Variants in DGUOK observed in about 807,000 individuals in gnomAD.
DGUOK encodes deoxyguanosine kinase.
A neutral mutation model predicts 36.6 loss-of-function variants in DGUOK; 30 were observed. That is an observed-to-expected ratio of 0.82 (90% CI 0.61 to 1.11). DGUOK has a LOEUF of 1.11. Ranked by LOEUF, DGUOK falls within the 50% of genes most tolerant of loss-of-function variation. The pLI is 0.00. For missense variants in DGUOK, 361 were observed against 336.4 expected (o/e 1.07, Z -0.57); for synonymous variants, 145 against 126.3 (o/e 1.15, Z -0.99).
intron 2 of DGUOK, 90 bp from the exon 3 acceptor site, chr2:73,946,629 T>G (rs1275320687): frequency 1.7e-6 from 2 of 1,168,572 alleles, no homozygotes; most frequent in Non-Finnish European, 1.3e-6. Flanking sequence ...TAAACCTGTT[T>G]GGGGAGGTAG....
intron 4 of DGUOK, among the ~76,000 whole-genome samples, chr2:73,951,856 A>G (rs1390327237): frequency 6.6e-6 from 1 of 152,262 alleles, no homozygotes; most frequent in East Asian, 1.9e-4. Context: ...TTCTACAGAA[A>G]TAAATAAGGG....
At chr2:73,932,216 G>A (rs1039759943) in intron 1 of DGUOK, among the ~76,000 whole-genome samples, 1 of 152,094 alleles carries the variant, frequency 6.6e-6, no homozygotes, top group African/African-American at 2.4e-5. Context: ...TGGAATGGGA[G>A]GACCTAATCT....
At position 73,958,882 on chromosome 2, in the gene DGUOK, G is replaced by GTTAGAC; in HGVS notation, c.*149_*154dup. 1.4e-6 allele frequency: 1 copy of GTTAGAC among 696,764 alleles called. No individual in the cohort carries two copies. Among genetic ancestry groups the GTTAGAC allele is most frequent in the Non-Finnish European group, 2.6e-6 (1 of 388,848 alleles). The allele number at this position is 696,764 out of a possible 1,614,324, so 43.2% of individuals were successfully genotyped here. On this transcript the variant is annotated 3_prime_UTR_variant, in exon 7 of 7. Coordinates refer to ENST00000264093, the MANE Select transcript of DGUOK (RefSeq NM_080916.3). ...CTCAAGAGCTGGTTTGTTAATTATT[G>GTTAGAC]TTAGACTTTGCCATTGTTTTCTTTT...
chr2:73,941,909 CTTT>C (rs11342540), intron 2 of DGUOK, among the ~76,000 whole-genome samples: 2 of 142,548 alleles, frequency 1.4e-5, no homozygotes, highest in Admixed American at 7.0e-5. Context: ...TTGTCATTTT[CTTT>C]TTTTTTTTTT....
intron 2 of DGUOK, among the ~76,000 whole-genome samples, chr2:73,943,196 G>C (rs1356960094): frequency 6.6e-6 from 1 of 152,074 alleles, no homozygotes; most frequent in Non-Finnish European, 1.5e-5. Flanking sequence ...TGTCACCCAG[G>C]CTGGAGTGTA....
rs1306107502 is a variant in DGUOK, at chr2:73,953,402, A to G, written c.591+2670A>G. Among the ~76,000 whole-genome samples, 6 of 151,966 alleles carry G rather than the reference A, an allele frequency of 3.9e-5. No individual in the cohort carries two copies. In the South Asian group the frequency reaches 1.0e-3, roughly 26 times the overall value. ...TGAGAAGAGTTGAAGGATTATTACA[A>G]CTTAATGGCAGAAAAGAAAAATAGC... is the stretch of plus-strand genomic sequence containing the variant. On this transcript the variant is annotated intron_variant, in intron 4 of 6. Transcript: ENST00000264093.
chr2:73,939,849 C>G (rs1421595151), intron 2 of DGUOK, among the ~76,000 whole-genome samples: 2 of 152,004 alleles, frequency 1.3e-5, no homozygotes, highest in African/African-American at 4.8e-5. Context: ...CCGTAACAAC[C>G]CTATATATAG....
chr2:73,957,844 C>G (rs181622955), intron 5 of DGUOK: 1 of 371,468 alleles, frequency 2.7e-6, no homozygotes, highest in Admixed American at 3.9e-5. Context: ...GTCAGTATTA[C>G]TAAGTTGGCA....
chr2:73,934,794 C>T (rs906150410), intron 1 of DGUOK, among the ~76,000 whole-genome samples: 2 of 149,538 alleles, frequency 1.3e-5, no homozygotes, highest in Non-Finnish European at 3.0e-5. Flanking sequence ...CAGCAGTGGC[C>T]CGGCGCAGTG....
intron 1 of DGUOK, among the ~76,000 whole-genome samples, chr2:73,932,141 G>A (rs1237561625): frequency 6.6e-6 from 1 of 152,168 alleles, no homozygotes; most frequent in Admixed American, 6.5e-5. Context: ...TGACTGGTGG[G>A]TAGAGGGGTA....
At chr2:73,939,971 G>T (rs1022436348) in intron 2 of DGUOK, among the ~76,000 whole-genome samples, 1 of 144,504 alleles carries the variant, frequency 6.9e-6, no homozygotes, top group Non-Finnish European at 1.5e-5. Context: ...GTGTGATCTC[G>T]GCCCACTGTA....
intron 1 of DGUOK, among the ~76,000 whole-genome samples, chr2:73,933,374 G>A (rs1681203657): frequency 6.6e-6 from 1 of 152,186 alleles, no homozygotes; most frequent in Non-Finnish European, 1.5e-5. Context: ...GGAGTGATGA[G>A]TGAACAAATA....
rs565869588 is a variant in DGUOK at position 73,958,077 on chromosome 2, G to A, written c.708-69G>A. On this transcript the variant is annotated intron_variant, in intron 5 of 6. Transcript: ENST00000264093. ...ATCTGTTCTCTGAGTAAGACTTGGC[G>A]AGTATGTGAAACTTGACTCAAGTTA... is the stretch of plus-strand genomic sequence containing the variant. 1.6e-4 allele frequency: 195 copies of A among 1,200,436 alleles called. 2 individuals carry two copies. In the South Asian group the frequency reaches 2.2e-3, roughly 14 times the overall value. 74.4% of individuals were successfully genotyped at this position (1,200,436 alleles called of 1,614,324 possible).
At chr2:73,929,997 G>A (rs1025116380) in intron 1 of DGUOK, among the ~76,000 whole-genome samples, 2 of 152,200 alleles carry the variant, frequency 1.3e-5, no homozygotes, top group African/African-American at 4.8e-5. Context: ...AGGAAAATTG[G>A]TAAATCGGGA....
Position 73,946,754 on chromosome 2 carries a change from T to C in DGUOK, c.291T>C (p.Asp97=). 6.2e-7 allele frequency: 1 copy of C among 1,614,198 alleles called. No homozygotes were observed. The highest frequency in any genetic ancestry group is 2.2e-5 in the East Asian group (1 of 44,892). The part of the protein sequence containing the change: ...CTAQSLGNLL[D]MMYREPARWS... The stretch of plus-strand genomic sequence containing the variant: ...CCCAAAGTCTTGGAAACTTGCTGGA[T>C]ATGATGTACCGGGAGCCAGCACGAT... Residue 97 remains aspartate (D), a synonymous_variant, in exon 3 of 7, where the codon GAT becomes GAC. Transcript: ENST00000264093.
At chr2:73,946,433 T>C (rs544705639) in intron 2 of DGUOK, among the ~76,000 whole-genome samples, 1 of 152,348 alleles carries the variant, frequency 6.6e-6, no homozygotes, top group East Asian at 1.9e-4. Flanking sequence ...GTGATCGTGT[T>C]AATTCTATAT....
intron 1 of DGUOK, among the ~76,000 whole-genome samples, chr2:73,938,219 T>C (rs1337829754): frequency 6.6e-6 from 1 of 152,240 alleles, no homozygotes; most frequent in Non-Finnish European, 1.5e-5. Context: ...TTGCATATGC[T>C]ACTCCCTTTG....
chr2:73,956,723 A>G lies in DGUOK; in HGVS notation c.592-402A>G, dbSNP rs76096593. 9.1e-3 allele frequency among the ~76,000 whole-genome samples: 1,379 copies of G among 152,330 alleles called. 13 individuals are homozygous for G. Among genetic ancestry groups the G allele is most frequent in the Middle Eastern group, 0.02 (6 of 294 alleles). On this transcript the variant is annotated intron_variant, in intron 4 of 6. Coordinates refer to ENST00000264093, the MANE Select transcript of DGUOK (RefSeq NM_080916.3). ...GGCAGAACCAGAAGGCTCTTGCCAT[A>G]ATCCAGGTAAGAAGTAAAGAGGACC...
intron 1 of DGUOK, among the ~76,000 whole-genome samples, chr2:73,930,474 A>C (rs1346780857): frequency 6.6e-6 from 1 of 152,208 alleles, no homozygotes; most frequent in East Asian, 1.9e-4. Flanking sequence ...CTGTACTTTG[A>C]GAAACACACC....
Sources: allele counts gnomAD v4.1 joint callset (sites outside exome capture counted in the v4.1 genomes callset), GRCh38; gene constraint gnomAD v4.1.1; transcripts MANE v1.5; gene names NCBI Gene and HGNC (gene_info 2026-07-23, HGNC 2026-07-21).